PPARGC1A: variants seen among roughly 807,000 people sequenced by gnomAD.
The protein encoded by PPARGC1A is PPARG coactivator 1 alpha, also known as peroxisome proliferator-activated receptor gamma coactivator 1-alpha.
Under a neutral mutation model 88.7 loss-of-function variants are expected in PPARGC1A, and 25 were observed. That is an observed-to-expected ratio of 0.28 (90% CI 0.21 to 0.39). PPARGC1A has a LOEUF of 0.39. PPARGC1A is among the 10% of genes least tolerant of loss of function. The pLI is 1.00. For synonymous variants in PPARGC1A, 363 were observed against 355.6 expected, an observed-to-expected ratio of 1.02 and a Z score of -0.24; for missense variants, 880 against 968.7, an observed-to-expected ratio of 0.91 and a Z score of 1.22.
chr4:24,081,626 T>C, the PPARGC1A span, among the ~76,000 whole-genome samples: 1 of 152,242 alleles, frequency 6.6e-6, no homozygotes, highest in African/African-American at 2.4e-5. Context: ...TAAAAATCAT[T>C]ACATAAAAGT....
chr4:24,286,110 C>T, the PPARGC1A span, among the ~76,000 whole-genome samples: 1 of 151,984 alleles, frequency 6.6e-6, no homozygotes, highest in Non-Finnish European at 1.5e-5. Flanking sequence ...CCAATCTCTG[C>T]ATGCAAGCAT....
the PPARGC1A span, among the ~76,000 whole-genome samples, chr4:24,320,095 TAG>T: frequency 6.6e-6 from 1 of 152,192 alleles, no homozygotes; most frequent in Non-Finnish European, 1.5e-5. Context: ...AAAAGAATAC[TAG>T]AGAGATTTCT....
chr4:24,063,682 G>A, the PPARGC1A span, among the ~76,000 whole-genome samples: 2 of 152,132 alleles, frequency 1.3e-5, no homozygotes, highest in African/African-American at 4.8e-5. Context: ...TGAGAAAGAG[G>A]AGAGAAGGGG....
upstream of PPARGC1A, among the ~76,000 whole-genome samples, chr4:23,902,396 A>G (rs1719516170): frequency 1.3e-5 from 2 of 152,176 alleles, no homozygotes; most frequent in African/African-American, 4.8e-5. Context: ...TCGCATCACA[A>G]TCTGTCAAAA....
At chr4:24,068,789 T>C in the PPARGC1A span, among the ~76,000 whole-genome samples, 2 of 152,194 alleles carry the variant, frequency 1.3e-5, no homozygotes, top group East Asian at 3.9e-4. Context: ...GAATTTTCTC[T>C]CATACCACTC....
the PPARGC1A span, among the ~76,000 whole-genome samples, chr4:23,973,504 C>A: frequency 5.9e-5 from 9 of 152,042 alleles, no homozygotes; most frequent in Admixed American, 4.6e-4. Flanking sequence ...GAGAGGAAAC[C>A]CTCTATGTTT....
chr4:24,259,344 T>C, the PPARGC1A span, among the ~76,000 whole-genome samples: 2 of 152,168 alleles, frequency 1.3e-5, no homozygotes, highest in African/African-American at 4.8e-5. Flanking sequence ...AGGAACTTTT[T>C]GCTTGGGCCA....
At chr4:24,340,475 T>C in the PPARGC1A span, among the ~76,000 whole-genome samples, 5 of 152,212 alleles carry the variant, frequency 3.3e-5, no homozygotes, top group Admixed American at 2.0e-4. Flanking sequence ...AACTGTATAG[T>C]ACTCTATTTA....
chr4:23,838,141 G>A (rs555425304), intron 2 of PPARGC1A, among the ~76,000 whole-genome samples: 71 of 152,272 alleles, frequency 4.7e-4, no homozygotes, highest in African/African-American at 1.7e-3. Flanking sequence ...AAAGTGCTCT[G>A]AGCCTTTGCT....
the PPARGC1A span, among the ~76,000 whole-genome samples, chr4:24,335,042 A>G: frequency 6.6e-6 from 1 of 152,242 alleles, no homozygotes; most frequent in African/African-American, 2.4e-5. Flanking sequence ...CATTAAGGGA[A>G]GCAATTACTT....
chr4:24,244,131 C>A, the PPARGC1A span, among the ~76,000 whole-genome samples: 2 of 152,200 alleles, frequency 1.3e-5, no homozygotes, highest in Admixed American at 1.3e-4. Context: ...CTCACCATTT[C>A]TCTTTCCAAT....
At chr4:23,986,708 G>C in the PPARGC1A span, among the ~76,000 whole-genome samples, 1 of 152,042 alleles carries the variant, frequency 6.6e-6, no homozygotes, top group Non-Finnish European at 1.5e-5. Context: ...ATTTGCCCTA[G>C]GTCACACAGT....
the PPARGC1A span, among the ~76,000 whole-genome samples, chr4:23,947,383 ATATATATATATAT>A: frequency 1.9e-4 from 2 of 10,492 alleles, no homozygotes; most frequent in African/African-American, 4.1e-4. Flanking sequence ...ATATATATAT[ATATATATATATAT>A]AAAAAAAACG....
chr4:24,194,148 A>G, the PPARGC1A span, among the ~76,000 whole-genome samples: 1 of 145,074 alleles, frequency 6.9e-6, no homozygotes, highest in Non-Finnish European at 1.5e-5. Flanking sequence ...AAAAAAAAGT[A>G]CACCAATGAA....
the PPARGC1A span, among the ~76,000 whole-genome samples, chr4:24,272,401 C>T: frequency 2.0e-5 from 3 of 152,040 alleles, no homozygotes; most frequent in African/African-American, 7.2e-5. Flanking sequence ...GGCTTCAATC[C>T]CTAACAGGTG....
At chr4:24,346,916 A>G in the PPARGC1A span, among the ~76,000 whole-genome samples, 3 of 152,122 alleles carry the variant, frequency 2.0e-5, no homozygotes, top group Non-Finnish European at 4.4e-5. Context: ...TAGGGCTATG[A>G]ACTTTCCTCT....
At chr4:24,051,858 G>A in the PPARGC1A span, among the ~76,000 whole-genome samples, 3 of 151,592 alleles carry the variant, frequency 2.0e-5, no homozygotes, top group South Asian at 2.1e-4. Context: ...AGAGAGAATA[G>A]GCACCGAGGC....
chr4:24,101,213 G>A, the PPARGC1A span, among the ~76,000 whole-genome samples: 1 of 152,078 alleles, frequency 6.6e-6, no homozygotes, highest in East Asian at 1.9e-4. Context: ...CACGAGATCT[G>A]GTTGTTTAAA....
At chr4:24,003,530 C>T in the PPARGC1A span, among the ~76,000 whole-genome samples, 1 of 152,134 alleles carries the variant, frequency 6.6e-6, no homozygotes, top group Non-Finnish European at 1.5e-5. Flanking sequence ...GGGATTAACT[C>T]AGCTGACACC....
Sources: allele counts gnomAD v4.1 joint callset (sites outside exome capture counted in the v4.1 genomes callset), GRCh38; gene constraint gnomAD v4.1.1; transcripts MANE v1.5; gene names NCBI Gene and HGNC (gene_info 2026-07-23, HGNC 2026-07-21).